The following GPATCH8 variants were observed in gnomAD, a reference collection of about 807,000 sequenced individuals.
The protein encoded by GPATCH8 is G-patch domain containing 8.
Under a neutral mutation model 118.3 loss-of-function variants are expected in GPATCH8, and 18 were observed. That is an observed-to-expected ratio of 0.15 (90% CI 0.11 to 0.23). The LOEUF (loss-of-function observed/expected upper bound fraction) is 0.23. Among genes scored for constraint, GPATCH8 ranks in the 10% least tolerant of loss-of-function variants. The pLI, the probability that GPATCH8 is intolerant of heterozygous loss-of-function variation, is 1.00. For missense variants in GPATCH8, 1,631 were observed against 1,873.8 expected, an observed-to-expected ratio of 0.87 and a Z score of 2.39; for synonymous variants, 659 against 684.7, an observed-to-expected ratio of 0.96 and a Z score of 0.59.
chr17:44,451,625 A>G (rs1340010067), intron 3 of GPATCH8, among the ~76,000 whole-genome samples: 1 of 152,216 alleles, frequency 6.6e-6, no homozygotes, highest in Non-Finnish European at 1.5e-5. Context: ...ATGAGACATA[A>G]GTTACAGTAT....
intron 4 of GPATCH8, among the ~76,000 whole-genome samples, chr17:44,435,411 C>CTTTTTT (rs566253126): frequency 2.0e-4 from 20 of 99,754 alleles, no homozygotes; most frequent in South Asian, 3.8e-4. Context: ...TCTTTCTTTC[C>CTTTTTT]TTTTTTTTTT....
At chr17:44,401,889 A>T (rs973248958) in intron 7 of GPATCH8, among the ~76,000 whole-genome samples, 14 of 152,210 alleles carry the variant, frequency 9.2e-5, no homozygotes, top group Non-Finnish European at 1.0e-4. Flanking sequence ...CTGTAATCCC[A>T]GCTACTTGGG....
chr17:44,414,115 A>G (rs868294699), intron 6 of GPATCH8, among the ~76,000 whole-genome samples: 20 of 83,450 alleles, frequency 2.4e-4, no homozygotes, highest in Non-Finnish European at 4.1e-4. Context: ...GTATATATAT[A>G]TGTATATATA....
intron 3 of GPATCH8, among the ~76,000 whole-genome samples, chr17:44,446,156 C>T (rs899216929): frequency 2.0e-5 from 3 of 151,620 alleles, no homozygotes; most frequent in African/African-American, 7.3e-5. Context: ...CACTATGTTG[C>T]CCAGGCTGGT....
In GPATCH8 at chr17:44,474,922, A is replaced by G; in HGVS notation, c.46-19T>C. The G allele has an allele frequency of 7.7e-7, 1 of 1,306,758 alleles. No homozygotes were observed. The highest frequency in any genetic ancestry group is 1.2e-5 in the South Asian group (1 of 84,408). 80.9% of individuals were successfully genotyped at this position (1,306,758 alleles called of 1,614,324 possible). A position where few individuals can be genotyped will look rare whatever the true frequency, so the allele number is the denominator to read the frequency against. On this transcript the variant is annotated intron_variant, in intron 1 of 7. Transcript: ENST00000591680. Reference sequence around the variant, plus strand: ...GATTACCCTGAAAAAAGATGATTACAGTTATTTTTCAAAAGCAGTTAAGTG... The same window carrying G: ...GATTACCCTGAAAAAAGATGATTACGGTTATTTTTCAAAAGCAGTTAAGTG...
At chr17:44,418,137 A>G (rs945396206) in intron 6 of GPATCH8, among the ~76,000 whole-genome samples, 2 of 151,684 alleles carry the variant, frequency 1.3e-5, no homozygotes, top group Non-Finnish European at 2.9e-5. Flanking sequence ...AAAAGAGAGA[A>G]AGAGAGAGAG....
chr17:44,403,995 A>G (rs2049126221), intron 7 of GPATCH8, among the ~76,000 whole-genome samples: 2 of 151,920 alleles, frequency 1.3e-5, no homozygotes, highest in African/African-American at 4.8e-5. Context: ...TGCCCGGCCA[A>G]TGTGTAATCT....
chr17:44,413,241 A>T (rs2049514832), intron 6 of GPATCH8, among the ~76,000 whole-genome samples: 1 of 152,196 alleles, frequency 6.6e-6, no homozygotes, highest in Non-Finnish European at 1.5e-5. Context: ...GATAGTGAAA[A>T]ACTGAGAGAA....
At chr17:44,441,120 T>C (rs993987007) in intron 3 of GPATCH8, among the ~76,000 whole-genome samples, 13 of 152,154 alleles carry the variant, frequency 8.5e-5, no homozygotes, top group African/African-American at 3.1e-4. Context: ...AGTGCTGGGA[T>C]TACAGGCGTG....
chr17:44,491,486 CAAAAAAAAA>C (rs1023934645), intron 1 of GPATCH8, among the ~76,000 whole-genome samples: 8 of 69,554 alleles, frequency 1.2e-4, no homozygotes, highest in Admixed American at 6.3e-4. Flanking sequence ...GACTCCGTCT[CAAAAAAAAA>C]AAAAAAAAAA....
At chr17:44,455,975 G>C (rs1395876498) in intron 3 of GPATCH8, among the ~76,000 whole-genome samples, 3 of 152,192 alleles carry the variant, frequency 2.0e-5, no homozygotes, top group Admixed American at 1.3e-4. Context: ...TCGAACTCCT[G>C]AACTTAGGTG....
intron 3 of GPATCH8, among the ~76,000 whole-genome samples, chr17:44,437,594 T>C (rs1475259708): frequency 1.3e-5 from 2 of 152,028 alleles, no homozygotes; most frequent in African/African-American, 4.8e-5. Context: ...ATACATATAT[T>C]ATACCTTTGG....
chr17:44,493,076 CAG>C (rs1044362837), intron 1 of GPATCH8, among the ~76,000 whole-genome samples: 7 of 30,834 alleles, frequency 2.3e-4, no homozygotes, highest in African/African-American at 7.9e-4. Context: ...TTTTTTAAGA[CAG>C]AGTCTCATTC....
chr17:44,467,854 T>A (rs1966922498), intron 2 of GPATCH8, among the ~76,000 whole-genome samples: 1 of 152,174 alleles, frequency 6.6e-6, no homozygotes, highest in Non-Finnish European at 1.5e-5. Context: ...TATAACAAAG[T>A]AAAACAAACC....
At position 44,399,856 on chromosome 17, in the gene GPATCH8, G is replaced by C; in HGVS notation, c.2221C>G (p.Pro741Ala). ...CTCCGCCTTCTTCTTGGTGGTGCGG[G>C]ACTGCCACTCCCAGGGGGTTCTGGT... ...PKPEPPGSGS[P>A]APPRRRRRAQ... The change falls in exon 8 of 8, where the codon CCC becomes GCC. Residue 741 changes from proline (P) to alanine (A), a missense_variant. This residue lies in a region of GPATCH8 where 922 missense variants were observed against 879.7 expected (regional missense o/e 1.05). Coordinates refer to ENST00000591680, the MANE Select transcript of GPATCH8 (RefSeq NM_001002909.4). The C allele has an allele frequency of 6.2e-7, 1 of 1,613,764 alleles. No homozygotes were observed. The highest frequency in any genetic ancestry group is 8.5e-7 in the Non-Finnish European group (1 of 1,179,958).
Position 44,399,619 on chromosome 17 carries a change from T to C in GPATCH8, c.2458A>G (p.Ser820Gly). 1.2e-6 allele frequency: 2 copies of C among 1,614,146 alleles called. No homozygotes were observed. Among genetic ancestry groups the C allele is most frequent in the Non-Finnish European group, 8.5e-7 (1 of 1,179,982 alleles). The change falls in exon 8 of 8, where the codon AGT (serine) becomes GGT (glycine). Residue 820 changes from serine to glycine, a missense_variant. By Grantham distance (56) the Ser-to-Gly change is moderately conservative. Around this residue, in one of 8 missense-constraint regions of GPATCH8, gnomAD observed 922 missense variants for 879.7 expected, o/e 1.05. Coordinates refer to ENST00000591680, the MANE Select transcript of GPATCH8 (RefSeq NM_001002909.4). ...RSQPSSGDED[S>G]DDASSHRLHQ... The stretch of plus-strand genomic sequence containing the variant: ...AGCCGGTGTGAGGAAGCATCATCAC[T>C]ATCCTCATCTCCACTACTGGGTTGG...
At chr17:44,407,477 C>T (rs986887169) in intron 6 of GPATCH8, among the ~76,000 whole-genome samples, 3 of 152,148 alleles carry the variant, frequency 2.0e-5, no homozygotes, top group South Asian at 4.1e-4. Context: ...TACACACAGA[C>T]TGACACAGTA....
At chr17:44,495,472 T>C (rs574875485) in intron 1 of GPATCH8, among the ~76,000 whole-genome samples, 1 of 152,240 alleles carries the variant, frequency 6.6e-6, no homozygotes, top group African/African-American at 2.4e-5. Context: ...GCTGGTCTTA[T>C]GAATAATAAA....
At chr17:44,412,026 G>A (rs752866491) in intron 6 of GPATCH8, among the ~76,000 whole-genome samples, 37 of 152,146 alleles carry the variant, frequency 2.4e-4, no homozygotes, top group Non-Finnish European at 3.8e-4. Context: ...AGGTTCAAGG[G>A]ATTCTCCTGC....
Sources: gnomAD v4.1 joint callset for allele counts (sites outside exome capture counted in the v4.1 genomes callset) on GRCh38, gnomAD v4.1.1 for gene constraint, gnomAD v4.1.1 regional missense constraint, MANE v1.5 for transcripts, NCBI Gene and HGNC (gene_info 2026-07-23, HGNC 2026-07-21) for gene names.